The following ARK2C variants were observed in gnomAD, a reference collection of about 807,000 sequenced individuals.
ARK2C encodes the protein arkadia (RNF111) C-terminal like ring finger ubiquitin ligase 2C, also known as E3 ubiquitin-protein ligase ARK2C.
the ARK2C span, among the ~76,000 whole-genome samples, chr18:46,382,408 C>T: frequency 6.6e-6 from 1 of 152,184 alleles, no homozygotes; most frequent in Non-Finnish European, 1.5e-5. Flanking sequence ...AGTCTGCAAA[C>T]CTGTGGTTTT....
At chr18:46,459,690 T>C in the ARK2C span, 9 of 152,818 alleles carry the variant, frequency 5.9e-5, no homozygotes, top group African/African-American at 1.9e-4. Flanking sequence ...GGGCAGCTGT[T>C]TGGGGGACAA....
At chr18:46,367,554 A>G in the ARK2C span, among the ~76,000 whole-genome samples, 1 of 152,180 alleles carries the variant, frequency 6.6e-6, no homozygotes, top group African/African-American at 2.4e-5. Context: ...TATTGGACCC[A>G]TTGCCTTGTG....
At chr18:46,371,872 A>G in the ARK2C span, among the ~76,000 whole-genome samples, 3 of 152,216 alleles carry the variant, frequency 2.0e-5, no homozygotes, top group African/African-American at 4.8e-5. Context: ...CGCTGTTCAG[A>G]TAGACTTAGA....
the ARK2C span, among the ~76,000 whole-genome samples, chr18:46,391,389 G>A: frequency 1.3e-5 from 2 of 152,250 alleles, no homozygotes; most frequent in East Asian, 1.9e-4. Flanking sequence ...AATCAGAGGC[G>A]AGGCCTAGTA....
the ARK2C span, among the ~76,000 whole-genome samples, chr18:46,429,862 C>T: frequency 3.1e-4 from 47 of 152,266 alleles, 1 homozygote; most frequent in Middle Eastern, 0.02. Context: ...TTGCCTTACC[C>T]TCCTAAGTAA....
the ARK2C span, among the ~76,000 whole-genome samples, chr18:46,341,767 G>A: frequency 6.6e-6 from 1 of 152,174 alleles, no homozygotes; most frequent in African/African-American, 2.4e-5. Flanking sequence ...CACCCCTTGA[G>A]CAAGCTTTCT....
chr18:46,425,392 C>T, the ARK2C span, among the ~76,000 whole-genome samples: 1 of 152,204 alleles, frequency 6.6e-6, no homozygotes, highest in Non-Finnish European at 1.5e-5. Context: ...GGGGTAGCCC[C>T]GGGTGGGTGG....
chr18:46,413,664 T>A, the ARK2C span, among the ~76,000 whole-genome samples: 1 of 152,020 alleles, frequency 6.6e-6, no homozygotes, highest in South Asian at 2.1e-4. Flanking sequence ...GGGTGGGAGA[T>A]GAGAAAGGGC....
the ARK2C span, chr18:46,387,098 C>G: frequency 6.6e-6 from 1 of 152,494 alleles, no homozygotes; most frequent in African/African-American, 2.4e-5. Flanking sequence ...GCCAGGGAAG[C>G]AGTGATTTTT....
chr18:46,341,587 G>A, the ARK2C span, among the ~76,000 whole-genome samples: 2 of 152,160 alleles, frequency 1.3e-5, no homozygotes, highest in African/African-American at 2.4e-5. Flanking sequence ...TTGTGGCAAC[G>A]TCTGGGAGTT....
the ARK2C span, chr18:46,433,572 TGGGCAGGGCCAGGACGA>T: frequency 5.1e-6 from 7 of 1,382,750 alleles, no homozygotes; most frequent in African/African-American, 7.2e-5. Context: ...GGCCAGGGCG[TGGGCAGGGCCAGGACGA>T]GGGCGTGGCC....
chr18:46,390,034 T>C, the ARK2C span, among the ~76,000 whole-genome samples: 1 of 152,310 alleles, frequency 6.6e-6, no homozygotes, highest in Non-Finnish European at 1.5e-5. Context: ...TGGTCATTTC[T>C]AACCAGTGAC....
At chr18:46,397,914 G>GGT in the ARK2C span, among the ~76,000 whole-genome samples, 1 of 120,502 alleles carries the variant, frequency 8.3e-6, no homozygotes, top group East Asian at 2.7e-4. Context: ...GTGTGCATGT[G>GGT]GTGTGTGTGT....
chr18:46,402,936 C>T, the ARK2C span, among the ~76,000 whole-genome samples: 1 of 152,242 alleles, frequency 6.6e-6, no homozygotes. Flanking sequence ...CCTCTAGTCT[C>T]AACACCATGG....
chr18:46,443,112 C>T, the ARK2C span, among the ~76,000 whole-genome samples: 2 of 152,148 alleles, frequency 1.3e-5, no homozygotes, highest in Admixed American at 6.5e-5. Context: ...GGTGTCTAGA[C>T]CATTTGCATT....
chr18:46,356,609 A>G, the ARK2C span, among the ~76,000 whole-genome samples: 2 of 151,934 alleles, frequency 1.3e-5, no homozygotes, highest in South Asian at 4.1e-4. Context: ...CTCACTCTGA[A>G]CACACAGAAG....
At chr18:46,337,026 C>T in the ARK2C span, 5 of 985,404 alleles carry the variant, frequency 5.1e-6, no homozygotes, top group Non-Finnish European at 6.0e-6. Flanking sequence ...CATCTTTGGA[C>T]ATCCGCCCTG....
the ARK2C span, chr18:46,457,831 C>T: frequency 6.6e-6 from 1 of 152,540 alleles, no homozygotes; most frequent in Non-Finnish European, 1.5e-5. Flanking sequence ...TACCGCAGAC[C>T]TTGGGGAGGA....
the ARK2C span, among the ~76,000 whole-genome samples, chr18:46,388,607 G>A: frequency 6.6e-6 from 1 of 152,120 alleles, no homozygotes; most frequent in East Asian, 1.9e-4. Flanking sequence ...TGGGATCTGG[G>A]GAGCGATGGA....
Sources: allele counts gnomAD v4.1 joint callset (sites outside exome capture counted in the v4.1 genomes callset), GRCh38; gene constraint gnomAD v4.1.1; transcripts MANE v1.5; gene names NCBI Gene and HGNC (gene_info 2026-07-23, HGNC 2026-07-21).